Variants in ADAMTSL1 observed in about 807,000 individuals in gnomAD.
ADAMTSL1 encodes ADAMTS like 1, also known as ADAMTS-like protein 1.
ADAMTSL1 carries 126 observed loss-of-function variants against 201.8 expected under a neutral mutation model. That is an observed-to-expected ratio of 0.62 (90% CI 0.54 to 0.72). ADAMTSL1 has a LOEUF of 0.72. ADAMTSL1 is among the 30% of genes least tolerant of loss of function. The pLI, the probability that ADAMTSL1 is intolerant of heterozygous loss-of-function variation, is 0.00. For missense variants in ADAMTSL1, 2,679 were observed against 2,277.8 expected (o/e 1.18, Z -3.59); for synonymous variants, 1,121 against 903.4 (o/e 1.24, Z -4.32).
At chr9:18,110,263 C>G (rs1824946723) in intron 1 of ADAMTSL1, among the ~76,000 whole-genome samples, 1 of 152,166 alleles carries the variant, frequency 6.6e-6, no homozygotes, top group African/African-American at 2.4e-5. Context: ...ATTCTCAGCT[C>G]TCTGGCATCT....
intron 5 of ADAMTSL1, among the ~76,000 whole-genome samples, chr9:18,634,614 C>T (rs1826981636): frequency 6.6e-6 from 1 of 151,504 alleles, no homozygotes; most frequent in Non-Finnish European, 1.5e-5. Context: ...CTGAGGTGAG[C>T]GGATCATGAG....
At chr9:18,392,051 C>G (rs7868667) in intron 2 of ADAMTSL1, among the ~76,000 whole-genome samples, 4,159 of 152,040 alleles carry the variant, frequency 0.027, 188 homozygotes, top group African/African-American at 0.095. Context: ...GTCTCGATCT[C>G]CTGACCTCGT....
chr9:18,310,664 C>T (rs1394978740), intron 2 of ADAMTSL1, among the ~76,000 whole-genome samples: 3 of 152,148 alleles, frequency 2.0e-5, no homozygotes, highest in Admixed American at 6.5e-5. Context: ...GATACCATCT[C>T]ACGCCAGTTA....
At chr9:18,612,957 A>C (rs367679111) in intron 4 of ADAMTSL1, among the ~76,000 whole-genome samples, 3 of 152,236 alleles carry the variant, frequency 2.0e-5, no homozygotes, top group South Asian at 2.1e-4. Context: ...AATATTTGCA[A>C]ACTATGCATC....
At chr9:18,273,097 C>A (rs568321232) in intron 2 of ADAMTSL1, among the ~76,000 whole-genome samples, 1 of 152,208 alleles carries the variant, frequency 6.6e-6, no homozygotes, top group South Asian at 2.1e-4. Flanking sequence ...TTATTTTATA[C>A]CTTGTGGAGT....
chr9:18,331,288 T>G (rs1835017721), intron 2 of ADAMTSL1, among the ~76,000 whole-genome samples: 1 of 152,204 alleles, frequency 6.6e-6, no homozygotes, highest in Non-Finnish European at 1.5e-5. Context: ...GCATTCAGAC[T>G]TGAGTCTATA....
chr9:18,512,521 A>G (rs1312197635), intron 2 of ADAMTSL1, among the ~76,000 whole-genome samples: 2 of 152,108 alleles, frequency 1.3e-5, no homozygotes, highest in East Asian at 1.9e-4. Flanking sequence ...CATTCATTCA[A>G]TAAATATTTA....
At chr9:18,733,013 A>C (rs1017800867) in intron 15 of ADAMTSL1, among the ~76,000 whole-genome samples, 2 of 152,228 alleles carry the variant, frequency 1.3e-5, no homozygotes, top group African/African-American at 4.8e-5. Flanking sequence ...GTAACTAGCC[A>C]GTGGCAGGTC....
intron 2 of ADAMTSL1, among the ~76,000 whole-genome samples, chr9:18,383,975 G>A (rs1306346006): frequency 6.6e-6 from 1 of 152,108 alleles, no homozygotes; most frequent in Non-Finnish European, 1.5e-5. Flanking sequence ...GCCAGGTAAT[G>A]GTGATACTGC....
chr9:18,254,344 GGTTTTTT>G (rs1448364829), intron 2 of ADAMTSL1, among the ~76,000 whole-genome samples: 18 of 55,088 alleles, frequency 3.3e-4, no homozygotes, highest in African/African-American at 1.0e-3. Flanking sequence ...TACTCTTTTT[GGTTTTTT>G]TTTTTTTTTT....
At chr9:18,458,318 A>G (rs1820683205) in intron 2 of ADAMTSL1, among the ~76,000 whole-genome samples, 1 of 152,240 alleles carries the variant, frequency 6.6e-6, no homozygotes, top group Non-Finnish European at 1.5e-5. Context: ...TCACCAAACA[A>G]TACATATCCT....
At chr9:18,675,310 C>T (rs1830073113) in intron 9 of ADAMTSL1, among the ~76,000 whole-genome samples, 1 of 152,078 alleles carries the variant, frequency 6.6e-6, no homozygotes, top group African/African-American at 2.4e-5. Context: ...ATAAAATACC[C>T]AAGTGGCTAC....
chr9:18,235,854 A>G lies in ADAMTSL1; in HGVS notation c.207+71873A>G, dbSNP rs187991470. Among the ~76,000 whole-genome samples, 69 of 152,194 alleles carry G rather than the reference A, an allele frequency of 4.5e-4. No homozygotes were observed. The East Asian group carries it at 8.5e-3, about 19-fold the overall frequency. ...ACCATCCTCTTGCTGAGAATTTTTC[A>G]CTGTATTTGGGGGGAATTCTTTAGC... On this transcript the variant is annotated intron_variant, in intron 2 of 29. Coordinates refer to the ADAMTSL1 transcript ENST00000680146.
chr9:18,083,564 G>C (rs1823610364), intron 1 of ADAMTSL1, among the ~76,000 whole-genome samples: 1 of 152,162 alleles, frequency 6.6e-6, no homozygotes, highest in Non-Finnish European at 1.5e-5. Flanking sequence ...ACCTTTGATT[G>C]TGTAAAGCTC....
At chr9:18,791,252 A>C (rs1404050698) in intron 19 of ADAMTSL1, among the ~76,000 whole-genome samples, 1 of 151,864 alleles carries the variant, frequency 6.6e-6, no homozygotes, top group East Asian at 1.9e-4. Flanking sequence ...CCTGCATGGG[A>C]CCCCCCTCCA....
rs543848563 is a variant in ADAMTSL1 at position 18,450,267 on chromosome 9, T to G, written c.208-54562T>G. Among the ~76,000 whole-genome samples the G allele has an allele frequency of 6.6e-5, 10 of 152,302 alleles. 1 individual carries two copies. In the South Asian group the frequency reaches 2.1e-3, roughly 32 times the overall value. On this transcript the variant is annotated intron_variant, in intron 2 of 29. Transcript: ENST00000680146. ...CGATGGAAATATTCTATATCTTGAT[T>G]GCTGTGGTCGTTACATGATTGTATA...
intron 2 of ADAMTSL1, among the ~76,000 whole-genome samples, chr9:18,415,917 A>G (rs1587128917): frequency 6.6e-6 from 1 of 152,096 alleles, no homozygotes; most frequent in Admixed American, 6.6e-5. Context: ...CTGAAAGGAA[A>G]AAAAGGTGAT....
intron 19 of ADAMTSL1, among the ~76,000 whole-genome samples, chr9:18,783,017 A>G (rs563332657): frequency 6.6e-6 from 1 of 152,310 alleles, no homozygotes; most frequent in East Asian, 1.9e-4. Flanking sequence ...CAGGAAAGTG[A>G]CATGATCTGA....
chr9:18,189,988 T>G (rs1420777239), intron 2 of ADAMTSL1, among the ~76,000 whole-genome samples: 1 of 152,214 alleles, frequency 6.6e-6, no homozygotes. Context: ...TTTGCCCAAT[T>G]AAAGGTTGTC....
Sources: gnomAD v4.1 joint callset for allele counts (sites outside exome capture counted in the v4.1 genomes callset) on GRCh38, gnomAD v4.1.1 for gene constraint, MANE v1.5 for transcripts, NCBI Gene and HGNC (gene_info 2026-07-23, HGNC 2026-07-21) for gene names.